Variants in TCAIM observed in about 807,000 individuals in gnomAD.
TCAIM encodes T cell activation inhibitor, mitochondrial.
In TCAIM, 36 loss-of-function variants were observed where a neutral mutation model predicts 58.6. The ratio of observed to expected loss-of-function variants is 0.61; its 90% confidence interval spans 0.47 to 0.81. The LOEUF (loss-of-function observed/expected upper bound fraction) is 0.81. Among genes scored for constraint, TCAIM ranks in the 30% least tolerant of loss-of-function variants. The pLI is 0.00. For synonymous variants in TCAIM, 172 were observed against 193.6 expected (o/e 0.89, Z 0.93); for missense variants, 466 against 579.6 (o/e 0.80, Z 2.01).
chr3:44,387,281 C>T (rs1701758505), intron 5 of TCAIM, among the ~76,000 whole-genome samples: 1 of 152,232 alleles, frequency 6.6e-6, no homozygotes, highest in Admixed American at 6.5e-5. Context: ...CTCAGTGAAG[C>T]TCCTCTCCGA....
intron 4 of TCAIM, among the ~76,000 whole-genome samples, chr3:44,363,602 G>A (rs188332825): frequency 2.0e-3 from 309 of 152,212 alleles, no homozygotes; most frequent in African/African-American, 7.2e-3. Flanking sequence ...CTTCAGCTCC[G>A]TATCTTTTTG....
intron 1 of TCAIM, among the ~76,000 whole-genome samples, chr3:44,344,292 G>A (rs1184551984): frequency 2.0e-5 from 3 of 152,086 alleles, no homozygotes; most frequent in South Asian, 2.1e-4. Flanking sequence ...CCACCATACC[G>A]AGCCTCAGAA....
At chr3:44,381,336 T>C (rs532748823) in intron 5 of TCAIM, among the ~76,000 whole-genome samples, 5 of 152,152 alleles carry the variant, frequency 3.3e-5, no homozygotes, top group African/African-American at 1.2e-4. Context: ...CGATACACAC[T>C]AACAGAATGA....
chr3:44,407,602 A>G lies in TCAIM; in HGVS notation c.1411A>G (p.Ile471Val). The change falls in exon 11 of 11, where the codon ATT becomes GTT. Residue 471 changes from isoleucine to valine, a missense_variant. Coordinates refer to ENST00000342649, the MANE Select transcript of TCAIM (RefSeq NM_173826.4). ...TTACCTACATGGGATGCACCTCTGC[A>G]TTTCACATTTTTACTCTGTTATGCA... is the stretch of plus-strand genomic sequence containing the variant. ...LPYLHGMHLC[I>V]SHFYSVMQDG... 1 of 1,613,954 alleles carries G rather than the reference A, an allele frequency of 6.2e-7. No homozygotes were observed. The highest frequency in any genetic ancestry group is 8.5e-7 in the Non-Finnish European group (1 of 1,179,938).
chr3:44,342,865 A>G (rs147089023), intron 1 of TCAIM, among the ~76,000 whole-genome samples: 2 of 152,230 alleles, frequency 1.3e-5, no homozygotes, highest in African/African-American at 4.8e-5. Context: ...GGCTGGACAC[A>G]GTGGCTCAGG....
chr3:44,361,600 T>C (rs1701297112), intron 4 of TCAIM, 82 bp downstream of exon 4: 4 of 1,320,848 alleles, frequency 3.0e-6, no homozygotes, highest in Non-Finnish European at 4.0e-6. Context: ...AGAATACCTT[T>C]GGATGAAAAC....
chr3:44,396,932 GT>G (rs1701945189), intron 8 of TCAIM, 98 bp downstream of exon 8: 1 of 1,151,284 alleles, frequency 8.7e-7, no homozygotes, highest in Non-Finnish European at 1.2e-6. Context: ...GGTTTGTTGT[GT>G]TTTTGTTTTT....
At chr3:44,338,495 A>C (rs1251701495), upstream of TCAIM, 3 of 152,476 alleles carry the variant, frequency 2.0e-5, no homozygotes, top group Non-Finnish European at 4.4e-5. Context: ...CGTCACCTGC[A>C]GCTCGTCCCC....
chr3:44,358,699 C>G (rs1352689359), intron 3 of TCAIM: 4 of 982,836 alleles, frequency 4.1e-6, no homozygotes, highest in Non-Finnish European at 3.6e-6. Context: ...GTCCTGGAAC[C>G]AATCCCCTAT....
chr3:44,356,811 C>CAAA (rs1297782768), intron 2 of TCAIM, among the ~76,000 whole-genome samples: 2 of 69,860 alleles, frequency 2.9e-5, no homozygotes, highest in African/African-American at 5.1e-5. Context: ...ACTAAAAATA[C>CAAA]AAAAAAAAAA....
intron 5 of TCAIM, among the ~76,000 whole-genome samples, chr3:44,370,853 C>T (rs1220390674): frequency 2.0e-5 from 3 of 150,644 alleles, no homozygotes; most frequent in African/African-American, 7.3e-5. Context: ...GTGATCCTCC[C>T]GCCTCAGCCT....
At chr3:44,354,155 T>G (rs1180553887) in intron 1 of TCAIM, among the ~76,000 whole-genome samples, 1 of 152,232 alleles carries the variant, frequency 6.6e-6, no homozygotes, top group Non-Finnish European at 1.5e-5. Flanking sequence ...TGTTTTAGTG[T>G]CATTTGTTGA....
intron 1 of TCAIM, among the ~76,000 whole-genome samples, chr3:44,354,322 G>A (rs960202536): frequency 6.6e-6 from 1 of 152,172 alleles, no homozygotes. Context: ...TAGCTTTAGA[G>A]TGAGTCTTGA....
intron 6 of TCAIM, among the ~76,000 whole-genome samples, chr3:44,393,921 T>C (rs1436164164): frequency 1.3e-5 from 2 of 152,236 alleles, no homozygotes; most frequent in East Asian, 1.9e-4. Flanking sequence ...AGATCCATGC[T>C]GAAATTTATT....
intron 4 of TCAIM, among the ~76,000 whole-genome samples, chr3:44,364,239 T>A (rs28600999): frequency 0.025 from 3,481 of 141,566 alleles, 138 homozygotes; most frequent in African/African-American, 0.08. Context: ...GACTGTCATT[T>A]AAAAAAAAAA....
rs930310497 is a variant in TCAIM, at chr3:44,400,693, TAAAG to T, written c.1118+110_1118+113del. ...ATTTCAATGGGTAGTTCTTAGGAAT[TAAAG>T]AAAAAAATGCCACTACTTGTGTTAG... On this transcript the variant is annotated intron_variant, in intron 9 of 10. Coordinates refer to ENST00000342649, the MANE Select transcript of TCAIM (RefSeq NM_173826.4). The T allele has an allele frequency of 5.5e-5, 55 of 998,850 alleles. No homozygotes were observed. In the African/African-American group the frequency reaches 8.7e-4, roughly 16 times the overall value. 61.9% of individuals were successfully genotyped at this position (998,850 alleles called of 1,614,324 possible).
intron 5 of TCAIM, among the ~76,000 whole-genome samples, chr3:44,381,480 C>A (rs1411931011): frequency 6.6e-6 from 1 of 152,000 alleles, no homozygotes; most frequent in Non-Finnish European, 1.5e-5. Flanking sequence ...ATAAAGGAAA[C>A]TACATCAACA....
chr3:44,338,974 T>G (rs1386592455), intron 1 of TCAIM, 140 bp downstream of exon 1: 1 of 152,156 alleles, frequency 6.6e-6, no homozygotes, highest in South Asian at 2.1e-4. Context: ...GGACGCAGTA[T>G]CCGCATCGCA....
At chr3:44,378,065 T>C (rs1057206002) in intron 5 of TCAIM, among the ~76,000 whole-genome samples, 6 of 152,154 alleles carry the variant, frequency 3.9e-5, no homozygotes, top group African/African-American at 1.2e-4. Flanking sequence ...AGGTCTAATA[T>C]CCAGAATCTA....
Sources: allele counts gnomAD v4.1 joint callset (sites outside exome capture counted in the v4.1 genomes callset), GRCh38; gene constraint gnomAD v4.1.1; transcripts MANE v1.5; gene names NCBI Gene and HGNC (gene_info 2026-07-23, HGNC 2026-07-21).